The following HPGDS variants were observed in gnomAD, a reference collection of about 807,000 sequenced individuals.
HPGDS encodes the protein GST class-sigma.
HPGDS carries 26 observed loss-of-function variants against 23.1 expected under a neutral mutation model. The ratio of observed to expected loss-of-function variants is 1.13; its 90% CI spans 0.83 to 1.56. The LOEUF is 1.56. Among genes scored for constraint, HPGDS ranks in the 40% most tolerant of loss-of-function variants. The probability of loss-of-function intolerance (pLI) is 0.00; values close to 1 mark genes in which losing one functional copy is unlikely to be tolerated. For missense variants in HPGDS, 268 were observed against 236.4 expected, an observed-to-expected ratio of 1.13 and a Z score of -0.88; for synonymous variants, 95 against 77.9, an observed-to-expected ratio of 1.22 and a Z score of -1.16.
Position 94,318,001 on chromosome 4 carries a change from C to A in HPGDS, c.134-36G>T, listed in dbSNP as rs562069699. On this transcript the variant is annotated intron_variant, in intron 2 of 5. Transcript: ENST00000295256. ...AATGAGCAAATAATTAACTTCATAA[C>A]AAAACCAGAAGTTATATTACTTCCA... 415 of 1,225,538 alleles carry A rather than the reference C, an allele frequency of 3.4e-4. 1 individual carries two copies. In the Middle Eastern group the frequency reaches 4.5e-3, roughly 13 times the overall value. The allele number at this position is 1,225,538 out of a possible 1,614,324, so 75.9% of individuals were successfully genotyped here.
intron 3 of HPGDS, among the ~76,000 whole-genome samples, chr4:94,316,966 A>T (rs1560589066): frequency 6.6e-6 from 1 of 152,230 alleles, no homozygotes; most frequent in Non-Finnish European, 1.5e-5. Flanking sequence ...GGTCATAAAT[A>T]ATTTCCATTT....
intron 2 of HPGDS, among the ~76,000 whole-genome samples, chr4:94,325,435 C>T (rs1015982756): frequency 6.6e-6 from 1 of 152,180 alleles, no homozygotes; most frequent in African/African-American, 2.4e-5. Flanking sequence ...CAGTAGGCTC[C>T]ACCCAGTTCA....
chr4:94,340,849 C>CTTTTT (rs1423281964), intron 1 of HPGDS, among the ~76,000 whole-genome samples: 5 of 113,588 alleles, frequency 4.4e-5, no homozygotes, highest in African/African-American at 1.4e-4. Context: ...TTTTTTCTTT[C>CTTTTT]TTTTTTTTTT....
intron 1 of HPGDS, among the ~76,000 whole-genome samples, chr4:94,340,309 CTCTTTTTTTTTTTTTTTT>C (rs1721124079): frequency 5.6e-4 from 16 of 28,790 alleles, no homozygotes; most frequent in Admixed American, 1.3e-3. Context: ...TTCTTTCTTT[CTCTTTTTTTTTTTTTTTT>C]TTTTTTTTTT....
Position 94,299,534 on chromosome 4 carries a change from T to TTGGA in HPGDS, c.542_545dup (p.Gln182HisfsTer9). The stretch of plus-strand genomic sequence containing the variant: ...TCCAGTTAGCGACGGCAGGAATGGC[T>TTGGA]TGGACTTTCTTCCGTAAAGTCACCA... On this transcript the variant is annotated frameshift_variant, in exon 6 of 6. Transcript: ENST00000295256. LOFTEE classifies it high-confidence loss of function. 6.2e-7 allele frequency: 1 copy of TTGGA among 1,613,962 alleles called. No individual in the cohort carries two copies. The highest frequency in any genetic ancestry group is 1.1e-5 in the South Asian group (1 of 91,072).
chr4:94,307,694 T>G (rs1471452221), intron 4 of HPGDS, among the ~76,000 whole-genome samples: 1 of 152,166 alleles, frequency 6.6e-6, no homozygotes, highest in African/African-American at 2.4e-5. Flanking sequence ...ACAGATGAAC[T>G]GACACTACGT....
chr4:94,326,097 T>A (rs1756626866), intron 2 of HPGDS, among the ~76,000 whole-genome samples: 1 of 152,134 alleles, frequency 6.6e-6, no homozygotes, highest in Non-Finnish European at 1.5e-5. Flanking sequence ...ACTTGACACT[T>A]TTCTGTCACT....
At chr4:94,307,492 G>A (rs534780377) in intron 4 of HPGDS, among the ~76,000 whole-genome samples, 1 of 152,178 alleles carries the variant, frequency 6.6e-6, no homozygotes, top group South Asian at 2.1e-4. Flanking sequence ...ACTAGAGGAT[G>A]TGCCCCCAAA....
rs1384875727 is a variant in HPGDS, at chr4:94,302,280, G to A, written c.337-36C>T. On this transcript the variant is annotated intron_variant, in intron 4 of 5. Transcript: ENST00000295256. The stretch of plus-strand genomic sequence containing the variant: ...GAGAAAATATCACTTTAAGAATAAT[G>A]AGAAGAAAAGTAACATGATCTGAGG... 3.6e-6 allele frequency: 5 copies of A among 1,387,244 alleles called. No homozygotes were observed. The African/African-American group carries it at 4.3e-5, about 12-fold the overall frequency. The allele number at this position is 1,387,244 out of a possible 1,614,324, so 85.9% of individuals were successfully genotyped here. A position where few individuals can be genotyped will look rare whatever the true frequency, so the allele number is the denominator to read the frequency against.
At chr4:94,313,419 A>G (rs1232670638) in intron 3 of HPGDS, among the ~76,000 whole-genome samples, 1 of 152,160 alleles carries the variant, frequency 6.6e-6, no homozygotes, top group South Asian at 2.1e-4. Context: ...CTGGATATGA[A>G]ATTCTGGGTT....
chr4:94,330,223 A>G (rs1249957584), intron 2 of HPGDS, among the ~76,000 whole-genome samples: 2 of 152,230 alleles, frequency 1.3e-5, no homozygotes, highest in Non-Finnish European at 2.9e-5. Flanking sequence ...TCCAGGGAAG[A>G]ATGGCATCTA....
At chr4:94,334,407 G>T in intron 2 of HPGDS, 90 bp downstream of exon 2, 2 of 1,272,470 alleles carry the variant, frequency 1.6e-6, no homozygotes, top group Admixed American at 2.6e-5. Flanking sequence ...CATGAGCTTC[G>T]AAAACCTTGA....
At chr4:94,319,887 A>G (rs1317710060) in intron 2 of HPGDS, among the ~76,000 whole-genome samples, 1 of 152,104 alleles carries the variant, frequency 6.6e-6, no homozygotes, top group Non-Finnish European at 1.5e-5. Flanking sequence ...CATTAGGTAT[A>G]TCTCCTAATA....
In HPGDS at chr4:94,320,707, C is replaced by G. The variant is rs1034024397; in HGVS notation, c.134-2742G>C. Among the ~76,000 whole-genome samples, 4 of 152,118 alleles carry G rather than the reference C, an allele frequency of 2.6e-5. No individual in the cohort carries two copies. In the East Asian group the frequency reaches 7.7e-4, roughly 29 times the overall value. ...ATTGCAAAATTTTTCTCCCATTCTG[C>G]AGGTTGCCTGTTCACTCTAATGGTA... On this transcript the variant is annotated intron_variant, in intron 2 of 5. Coordinates refer to ENST00000295256, the MANE Select transcript of HPGDS (RefSeq NM_014485.3).
intron 5 of HPGDS, among the ~76,000 whole-genome samples, chr4:94,301,718 C>G (rs1222708232): frequency 6.6e-6 from 1 of 152,140 alleles, no homozygotes; most frequent in African/African-American, 2.4e-5. Context: ...GTAGTACCAC[C>G]AACAATATGA....
intron 2 of HPGDS, among the ~76,000 whole-genome samples, chr4:94,320,225 T>A (rs1324216367): frequency 6.6e-6 from 1 of 152,220 alleles, no homozygotes; most frequent in Non-Finnish European, 1.5e-5. Flanking sequence ...TAAACATACA[T>A]GTGCATGTGT....
chr4:94,314,773 G>A (rs1472788486), intron 3 of HPGDS, among the ~76,000 whole-genome samples: 1 of 152,184 alleles, frequency 6.6e-6, no homozygotes, highest in Non-Finnish European at 1.5e-5. Flanking sequence ...TCCTTGAGCT[G>A]TGGTGGGCTC....
At chr4:94,338,194 C>A (rs186027997) in intron 1 of HPGDS, among the ~76,000 whole-genome samples, 1 of 152,104 alleles carries the variant, frequency 6.6e-6, no homozygotes, top group African/African-American at 2.4e-5. Flanking sequence ...GAGGCCGAGG[C>A]GGGCAGATCA....
At chr4:94,341,949 G>A (rs1178374344) in intron 1 of HPGDS, among the ~76,000 whole-genome samples, 1 of 152,122 alleles carries the variant, frequency 6.6e-6, no homozygotes, top group Non-Finnish European at 1.5e-5. Flanking sequence ...AACATTTGAT[G>A]GTAAAGAATG....
Sources: allele counts gnomAD v4.1 joint callset (sites outside exome capture counted in the v4.1 genomes callset), GRCh38; gene constraint gnomAD v4.1.1; transcripts MANE v1.5; gene names NCBI Gene and HGNC (gene_info 2026-07-23, HGNC 2026-07-21).